NUFIP1: variants seen among roughly 807,000 people sequenced by gnomAD.
The protein encoded by NUFIP1 is nuclear FMR1 interacting protein 1.
NUFIP1 carries 38 observed loss-of-function variants against 56.2 expected under a neutral mutation model. The ratio of observed to expected loss-of-function variants is 0.68; its 90% CI spans 0.52 to 0.89. NUFIP1 has a LOEUF of 0.89. NUFIP1 is among the 40% of genes least tolerant of loss of function. The pLI is 0.00. For missense variants in NUFIP1, 567 were observed against 605.8 expected (o/e 0.94, Z 0.67); for synonymous variants, 215 against 212.4 (o/e 1.01, Z -0.10).
intron 1 of NUFIP1, among the ~76,000 whole-genome samples, chr13:44,988,046 T>A (rs1179456934): frequency 6.6e-6 from 1 of 152,242 alleles, no homozygotes; most frequent in Admixed American, 6.5e-5. Context: ...CTCCCAGTTG[T>A]ATGCATGGCT....
intron 8 of NUFIP1, among the ~76,000 whole-genome samples, chr13:44,945,952 T>C (rs1016945360): frequency 1.3e-5 from 2 of 152,050 alleles, no homozygotes; most frequent in African/African-American, 4.8e-5. Flanking sequence ...TAGGGACAAG[T>C]GTTAAAAGCA....
chr13:44,957,107 G>C (rs1871271449), intron 7 of NUFIP1, among the ~76,000 whole-genome samples: 1 of 152,022 alleles, frequency 6.6e-6, no homozygotes, highest in South Asian at 2.1e-4. Context: ...TCAAGATACA[G>C]GTTCTCATCT....
intron 6 of NUFIP1, among the ~76,000 whole-genome samples, 164 bp downstream of exon 6, chr13:44,965,680 C>T (rs1464812954): frequency 6.6e-6 from 1 of 151,724 alleles, no homozygotes; most frequent in Admixed American, 6.6e-5. Context: ...GGCAACAGAG[C>T]GAGACTCCAT....
chr13:44,961,293 T>C (rs1871415638), intron 6 of NUFIP1, among the ~76,000 whole-genome samples: 1 of 152,122 alleles, frequency 6.6e-6, no homozygotes, highest in African/African-American at 2.4e-5. Context: ...TAATTAGAAA[T>C]CTGCATCTAA....
At chr13:44,983,912 G>C (rs1434858583) in intron 1 of NUFIP1, among the ~76,000 whole-genome samples, 1 of 152,052 alleles carries the variant, frequency 6.6e-6, no homozygotes. Flanking sequence ...CTTGATCTTG[G>C]ACATAACCTC....
Position 44,964,474 on chromosome 13 carries a change from C to T in NUFIP1, c.827+1370G>A, listed in dbSNP as rs138442289. 4.5e-4 allele frequency among the ~76,000 whole-genome samples: 68 copies of T among 152,270 alleles called. 1 individual carries two copies. The highest frequency in any genetic ancestry group is 1.5e-3 in the African/African-American group (62 of 41,536). ...TGAACCCTGCAACTGCCCTTGCTTA[C>T]AGCCTTAAAGAGTTTCCAGACTGCG... On this transcript the variant is annotated intron_variant, in intron 6 of 9. Transcript: ENST00000379161.
Position 44,939,588 on chromosome 13 carries a change from C to T in NUFIP1, c.*1618G>A, listed in dbSNP as rs1392401770. The T allele has an allele frequency of 6.6e-6, 1 of 152,062 alleles. No individual in the cohort carries two copies. Among genetic ancestry groups the T allele is most frequent in the African/African-American group, 2.4e-5 (1 of 41,390 alleles). 9.4% of individuals were successfully genotyped at this position (152,062 alleles called of 1,614,324 possible). A position where few individuals can be genotyped will look rare whatever the true frequency, so the allele number is the denominator to read the frequency against. On this transcript the variant is annotated 3_prime_UTR_variant, in exon 10 of 10. Coordinates refer to ENST00000379161, the MANE Select transcript of NUFIP1 (RefSeq NM_012345.3). The stretch of plus-strand genomic sequence containing the variant: ...ACCATATAATTCCATAAAGTAGAAA[C>T]CATACAGGCTATATTATATCTCCTT...
chr13:44,976,386 T>TGAG (rs200342181), intron 5 of NUFIP1, among the ~76,000 whole-genome samples: 4 of 128,316 alleles, frequency 3.1e-5, no homozygotes, highest in Admixed American at 1.6e-4. Flanking sequence ...AAGGTGAAGG[T>TGAG]GAGGAGGAGG....
rs148323541 is a variant in NUFIP1 at position 44,958,138 on chromosome 13, T to C, written c.1021+1243A>G. On this transcript the variant is annotated intron_variant, in intron 7 of 9. Transcript: ENST00000379161. ...CTCAAACAATATTTTTTTATACAAA[T>C]TCAGACTTCATATTTAGAGGATGTG... 8.4e-4 allele frequency among the ~76,000 whole-genome samples: 128 copies of C among 152,314 alleles called. 4 individuals carry two copies. In the East Asian group the frequency reaches 8.9e-3, roughly 11 times the overall value.
At chr13:44,952,483 G>A (rs1220570271) in intron 7 of NUFIP1, among the ~76,000 whole-genome samples, 1 of 152,112 alleles carries the variant, frequency 6.6e-6, no homozygotes, top group Non-Finnish European at 1.5e-5. Context: ...TAAAAACAAA[G>A]GGAAATTGAC....
chr13:44,942,813 GA>G (rs1242063071), intron 9 of NUFIP1, among the ~76,000 whole-genome samples: 1 of 151,444 alleles, frequency 6.6e-6, no homozygotes, highest in Non-Finnish European at 1.5e-5. Flanking sequence ...GGTGTACAAA[GA>G]AAAAAAATTA....
At chr13:44,966,308 C>T (rs996023236) in intron 5 of NUFIP1, among the ~76,000 whole-genome samples, 1 of 151,868 alleles carries the variant, frequency 6.6e-6, no homozygotes, top group Admixed American at 6.6e-5. Flanking sequence ...CCTTTTATTT[C>T]CTTCTTATTT....
rs777125510 is a variant in NUFIP1, at chr13:44,989,390, G to A, written c.47C>T (p.Ala16Val). 6.2e-7 allele frequency: 1 copy of A among 1,613,346 alleles called. No individual in the cohort carries two copies. Reference sequence around the variant, plus strand: ...TAACGTGGGAGTCAGCTCGGGAGACGCATGCCACCCGATAGGAGTCTCGAA... The same window carrying A: ...TAACGTGGGAGTCAGCTCGGGAGACACATGCCACCCGATAGGAGTCTCGAA... ...SDFETPIGWH[A>V]SPELTPTLGP... Residue 16 changes from alanine (A) to valine (V), a missense_variant, in exon 1 of 10, where the codon GCG (alanine) becomes GTG (valine). Ala to Val is a moderately conservative substitution (Grantham distance 64). Coordinates refer to ENST00000379161, the MANE Select transcript of NUFIP1 (RefSeq NM_012345.3).
In NUFIP1 at chr13:44,941,765, G is replaced by A. The variant is rs148722157; in HGVS notation, c.1372-443C>T. The stretch of plus-strand genomic sequence containing the variant: ...CCTGACCTTGTGATCCACCCGCCTC[G>A]GCATCCCAAAGTGCTGGGATTACAG... On this transcript the variant is annotated intron_variant, in intron 9 of 9. Transcript: ENST00000379161. 3.2e-3 allele frequency among the ~76,000 whole-genome samples: 494 copies of A among 152,112 alleles called. 12 individuals are homozygous for A. In the East Asian group the frequency reaches 0.036, roughly 11 times the overall value.
intron 8 of NUFIP1, among the ~76,000 whole-genome samples, chr13:44,947,444 G>A (rs1870938496): frequency 6.6e-6 from 1 of 151,894 alleles, no homozygotes; most frequent in African/African-American, 2.4e-5. Flanking sequence ...TCATCATGTT[G>A]ACCAGACTGG....
intron 5 of NUFIP1, 100 bp from the exon 6 acceptor site, chr13:44,966,036 AAC>A (rs1871589599): frequency 5.8e-6 from 3 of 514,198 alleles, no homozygotes; most frequent in African/African-American, 2.0e-5. Flanking sequence ...TTTAACACCT[AAC>A]ACAGCAAATT....
In NUFIP1 at chr13:44,989,323, C is replaced by A. The variant is rs763629414; in HGVS notation, c.114G>T (p.Met38Ile). 3.7e-5 allele frequency: 59 copies of A among 1,613,328 alleles called. No individual in the cohort carries two copies. Among genetic ancestry groups the A allele is most frequent in the Non-Finnish European group, 5.0e-5 (59 of 1,179,802 alleles). ...GCGGTGGCGGCAGCATTGCCCAGAACATCCAGCTGTCCCGCGGCGGGGCAG... is the reference window on the plus strand; with the variant it reads ...GCGGTGGCGGCAGCATTGCCCAGAAAATCCAGCTGTCCCGCGGCGGGGCAG... ...SDTAPPRDSW[M>I]FWAMLPPPPP... The change falls in exon 1 of 10, where the codon ATG becomes ATT. Residue 38 changes from methionine (M) to isoleucine (I), a missense_variant. Met to Ile is a conservative substitution (Grantham distance 10, BLOSUM62 1). Coordinates refer to ENST00000379161, the MANE Select transcript of NUFIP1 (RefSeq NM_012345.3).
At position 44,959,490 on chromosome 13, in the gene NUFIP1, A is replaced by G; in HGVS notation, c.912T>C (p.Ser304=). The change falls in exon 7 of 10, where the codon TCT becomes TCC. Residue 304 remains serine (S), a synonymous_variant. Transcript: ENST00000379161. Reference sequence around the variant, plus strand: ...CTGATCCAGTGACTGCTCTCTGTCTAGAATTGTCGTTTTTCCATTTGTGAT... The same window carrying G: ...CTGATCCAGTGACTGCTCTCTGTCTGGAATTGTCGTTTTTCCATTTGTGAT... The part of the protein sequence containing the change: ...GKNHKWKNDN[S]RQRAVTGSGS... 2 of 1,614,164 alleles carry G rather than the reference A, an allele frequency of 1.2e-6. No homozygotes were observed. The highest frequency in any genetic ancestry group is 8.5e-7 in the Non-Finnish European group (1 of 1,180,022).
At chr13:44,960,615 A>G (rs1280574953) in intron 6 of NUFIP1, among the ~76,000 whole-genome samples, 2 of 152,182 alleles carry the variant, frequency 1.3e-5, no homozygotes, top group Non-Finnish European at 2.9e-5. Flanking sequence ...ATTTACAAAT[A>G]TGACTTGTTG....
Sources: gnomAD v4.1 joint callset for allele counts (sites outside exome capture counted in the v4.1 genomes callset) on GRCh38, gnomAD v4.1.1 for gene constraint, MANE v1.5 for transcripts, NCBI Gene and HGNC (gene_info 2026-07-23, HGNC 2026-07-21) for gene names.